Variants in BRAP observed in about 807,000 individuals in gnomAD.
BRAP encodes the protein BRCA1 associated protein.
A neutral mutation model predicts 73.4 loss-of-function variants in BRAP; 42 were observed. The observed-to-expected ratio is 0.57, with a 90% CI of 0.45 to 0.74. BRAP has a LOEUF of 0.74. BRAP is among the 30% of genes least tolerant of loss of function. The pLI, the probability that BRAP is intolerant of heterozygous loss-of-function variation, is 0.00. For synonymous variants in BRAP, 255 were observed against 267.4 expected (o/e 0.95, Z 0.45); for missense variants, 593 against 751.4 (o/e 0.79, Z 2.46).
chr12:111,652,315 C>G (rs1212034206), intron 10 of BRAP, among the ~76,000 whole-genome samples: 5 of 152,122 alleles, frequency 3.3e-5, no homozygotes, highest in African/African-American at 1.2e-4. Flanking sequence ...ACTCCGCCTC[C>G]TGGGTTCATG....
intron 7 of BRAP, among the ~76,000 whole-genome samples, chr12:111,660,097 A>G (rs74360096): frequency 6.6e-6 from 1 of 151,822 alleles, no homozygotes; most frequent in Admixed American, 6.6e-5. Flanking sequence ...AAAGAAAAAG[A>G]AAAAACTGTT....
At chr12:111,645,763 G>C (rs1026281164) in intron 11 of BRAP, among the ~76,000 whole-genome samples, 4 of 151,858 alleles carry the variant, frequency 2.6e-5, no homozygotes, top group African/African-American at 9.7e-5. Flanking sequence ...GATCGCTTCA[G>C]TAAATGAAAC....
Position 111,644,298 on chromosome 12 carries a change from T to C in BRAP, c.1680A>G (p.Gly560=), listed in dbSNP as rs200653575. 1 of 1,614,038 alleles carries C rather than the reference T, an allele frequency of 6.2e-7. No homozygotes were observed. The highest frequency in any genetic ancestry group is 2.2e-5 in the East Asian group (1 of 44,866). Residue 560 remains glycine, a synonymous_variant, in exon 12 of 12, where the codon GGA becomes GGG. Coordinates refer to ENST00000419234, the MANE Select transcript of BRAP (RefSeq NM_006768.5). The stretch of plus-strand genomic sequence containing the variant: ...CCGAGGCCATGGCGATGTTGATCTG[T>C]CCCTCCTGGATTTCCTGCCGGGTCT... ...PAETRQEIQE[G]QINIAMASAS...
chr12:111,662,680 G>A (rs1886799858), intron 6 of BRAP, among the ~76,000 whole-genome samples: 1 of 152,140 alleles, frequency 6.6e-6, no homozygotes, highest in Admixed American at 6.6e-5. Context: ...AAAGGATCTA[G>A]TCCACTTCTT....
intron 6 of BRAP, among the ~76,000 whole-genome samples, chr12:111,661,203 C>T (rs533611779): frequency 6.6e-6 from 1 of 150,672 alleles, no homozygotes; most frequent in Non-Finnish European, 1.5e-5. Flanking sequence ...TGGTCTCGAT[C>T]TCTTGACTTC....
chr12:111,664,631 C>T (rs1396496099), intron 6 of BRAP, among the ~76,000 whole-genome samples: 6 of 152,198 alleles, frequency 3.9e-5, no homozygotes, highest in African/African-American at 4.8e-5. Context: ...TGCCACGTCC[C>T]CCACCAGGTG....
chr12:111,681,937 A>T, intron 2 of BRAP, 102 bp from the exon 3 acceptor site: 1 of 1,118,490 alleles, frequency 8.9e-7, no homozygotes, highest in Non-Finnish European at 1.3e-6. Flanking sequence ...ACTTTGATAG[A>T]GTAATTACAA....
At chr12:111,683,350 C>T (rs924528844) in intron 1 of BRAP, 43 bp from the exon 2 acceptor site, 1 of 1,556,358 alleles carries the variant, frequency 6.4e-7, no homozygotes, top group Non-Finnish European at 8.7e-7. Flanking sequence ...ATAAAACAAG[C>T]TCCTCTCTGT....
chr12:111,670,968 C>T lies in BRAP; in HGVS notation c.747+1693G>A, dbSNP rs144111973. 6.2e-4 allele frequency among the ~76,000 whole-genome samples: 95 copies of T among 152,120 alleles called. No individual in the cohort carries two copies. The East Asian group carries it at 0.018, about 28-fold the overall frequency. ...TACAAAAAGTAGCCGGGAGTGATGG[C>T]GCATGCCTATAGTCCTAGCCACTTG... On this transcript the variant is annotated intron_variant, in intron 5 of 11. Transcript: ENST00000419234.
chr12:111,652,793 T>A (rs1452612421), intron 10 of BRAP, among the ~76,000 whole-genome samples: 2 of 152,022 alleles, frequency 1.3e-5, no homozygotes, highest in African/African-American at 4.8e-5. Context: ...TCACTGCAAC[T>A]TCCGCCTCCC....
intron 5 of BRAP, among the ~76,000 whole-genome samples, chr12:111,670,704 G>A (rs1050995128): frequency 3.9e-5 from 6 of 152,114 alleles, no homozygotes; most frequent in African/African-American, 1.4e-4. Flanking sequence ...TGGCCAGGCT[G>A]GTCTCAAACT....
chr12:111,660,526 G>T, intron 7 of BRAP, 74 bp downstream of exon 7: 1 of 1,274,762 alleles, frequency 7.8e-7, no homozygotes, highest in Non-Finnish European at 1.1e-6. Context: ...AAGAACTTAA[G>T]TCATACCAGG....
At chr12:111,666,755 G>C (rs1422954062) in intron 5 of BRAP, among the ~76,000 whole-genome samples, 3 of 152,188 alleles carry the variant, frequency 2.0e-5, no homozygotes, top group African/African-American at 7.2e-5. Context: ...GCAAAGGTCA[G>C]GGAGCACACA....
intron 11 of BRAP, among the ~76,000 whole-genome samples, chr12:111,649,341 T>C (rs1054827630): frequency 2.6e-5 from 4 of 151,966 alleles, no homozygotes; most frequent in African/African-American, 9.7e-5. Context: ...TTAGTGGAGA[T>C]GGGGTTTTAC....
Position 111,681,638 on chromosome 12 carries a change from T to C in BRAP, c.442A>G (p.Asn148Asp). The C allele has an allele frequency of 6.3e-7, 1 of 1,586,540 alleles. No individual in the cohort carries two copies. Among genetic ancestry groups the C allele is most frequent in the Non-Finnish European group, 8.6e-7 (1 of 1,168,976 alleles). The change falls in exon 3 of 12, where the codon AAT becomes GAT. Residue 148 changes from asparagine (N) to aspartate (D), a missense_variant and splice_region_variant. By Grantham distance (23) the Asn-to-Asp change is conservative. Coordinates refer to ENST00000419234, the MANE Select transcript of BRAP (RefSeq NM_006768.5). ...VHGIMHLYKT[N>D]KMTSLKEDVR... is the part of the protein sequence containing the mutation. ...CCCAAGAAAAGAGGGTTTTCTTACT[T>C]TGTCTTATATAGGTGCATAATACCA...
chr12:111,672,108 A>G (rs1887200829), intron 5 of BRAP, among the ~76,000 whole-genome samples: 1 of 152,136 alleles, frequency 6.6e-6, no homozygotes, highest in Non-Finnish European at 1.5e-5. Context: ...CAGGAGGCTG[A>G]GGCTAGCAGA....
chr12:111,684,384 A>G (rs1307489536), intron 1 of BRAP, among the ~76,000 whole-genome samples: 1 of 152,206 alleles, frequency 6.6e-6, no homozygotes, highest in Admixed American at 6.6e-5. Flanking sequence ...GTCATATTCA[A>G]TCTTTAATTT....
At chr12:111,666,429 A>G (rs1196284379) in intron 5 of BRAP, among the ~76,000 whole-genome samples, 1 of 152,112 alleles carries the variant, frequency 6.6e-6, no homozygotes, top group Non-Finnish European at 1.5e-5. Flanking sequence ...AACAACACTG[A>G]TTTTTCTTTA....
intron 11 of BRAP, 133 bp downstream of exon 11, chr12:111,649,805 GC>G: frequency 1.7e-6 from 1 of 586,456 alleles, no homozygotes; most frequent in Non-Finnish European, 2.9e-6. Flanking sequence ...TAAACGAGAA[GC>G]CTGTTCCATA....
Sources: gnomAD v4.1 joint callset for allele counts (sites outside exome capture counted in the v4.1 genomes callset) on GRCh38, gnomAD v4.1.1 for gene constraint, MANE v1.5 for transcripts, NCBI Gene and HGNC (gene_info 2026-07-23, HGNC 2026-07-21) for gene names.